ADTRP: variants seen among roughly 807,000 people sequenced by gnomAD.
The protein encoded by ADTRP is androgen dependent TFPI regulating protein, also known as androgen-dependent TFPI-regulating protein.
ADTRP carries 20 observed loss-of-function variants against 27.0 expected under a neutral mutation model. The ratio of observed to expected loss-of-function variants is 0.74; its 90% CI spans 0.52 to 1.08. ADTRP has a LOEUF of 1.08. Ranked by LOEUF, ADTRP falls within the 50% of genes least tolerant of loss-of-function variation. The pLI, the probability that ADTRP is intolerant of heterozygous loss-of-function variation, is 0.00. For missense variants in ADTRP, 251 were observed against 275.0 expected (o/e 0.91, Z 0.62); for synonymous variants, 101 against 105.2 (o/e 0.96, Z 0.25).
intron 2 of ADTRP, 113 bp from the exon 3 acceptor site, chr6:11,766,488 C>A: frequency 1.5e-6 from 1 of 672,636 alleles, no homozygotes; most frequent in Non-Finnish European, 2.5e-6. Context: ...TTAAAGATAT[C>A]TTACATATAC....
chr6:11,723,295 G>A, intron 5 of ADTRP, 54 bp downstream of exon 5: 10 of 1,590,960 alleles, frequency 6.3e-6, no homozygotes, highest in Non-Finnish European at 8.6e-6. Flanking sequence ...CAGGTGAAGG[G>A]GAGAGGCAGA....
rs559046200 is a variant in ADTRP, at chr6:11,765,430, C to T, written c.390+844G>A. Among the ~76,000 whole-genome samples, 16 of 146,340 alleles carry T rather than the reference C, an allele frequency of 1.1e-4. No homozygotes were observed. The East Asian group carries it at 2.7e-3, about 25-fold the overall frequency. ...GCAACCTCCGCCTCCCAGGTTCAAG[C>T]GATTCTCCTGCCTCAGCCTCCTGTG... On this transcript the variant is annotated intron_variant, in intron 3 of 5. Transcript: ENST00000414691.
chr6:11,773,476 C>T (rs972301954), intron 1 of ADTRP, among the ~76,000 whole-genome samples: 2 of 152,136 alleles, frequency 1.3e-5, no homozygotes, highest in African/African-American at 4.8e-5. Flanking sequence ...CTGAGCTGCT[C>T]GTTCAGAGCT....
At chr6:11,727,249 T>C (rs1762238232) in intron 4 of ADTRP, among the ~76,000 whole-genome samples, 1 of 152,104 alleles carries the variant, frequency 6.6e-6, no homozygotes, top group African/African-American at 2.4e-5. Context: ...CTCAAACTCC[T>C]GACCTTGTGA....
At chr6:11,775,949 G>A (rs143519296) in intron 1 of ADTRP, among the ~76,000 whole-genome samples, 12 of 152,284 alleles carry the variant, frequency 7.9e-5, no homozygotes, top group East Asian at 7.7e-4. Flanking sequence ...GAATGTGAGC[G>A]TAAGTTGTGA....
intron 3 of ADTRP, among the ~76,000 whole-genome samples, chr6:11,754,379 G>A (rs1763149192): frequency 6.6e-6 from 1 of 152,186 alleles, no homozygotes. Flanking sequence ...ACTGAGGAGG[G>A]AGATGGCAAA....
intron 3 of ADTRP, among the ~76,000 whole-genome samples, chr6:11,749,629 C>G (rs1433556227): frequency 6.6e-6 from 1 of 152,074 alleles, no homozygotes; most frequent in African/African-American, 2.4e-5. Flanking sequence ...AGTGTGGCAT[C>G]AAAGGGTTAA....
chr6:11,736,147 T>C (rs112704231), intron 3 of ADTRP: 1,696 of 162,814 alleles, frequency 0.01, 15 homozygotes, highest in Non-Finnish European at 0.014. Context: ...CCTCAAGTGA[T>C]CTGCCCGCCT....
chr6:11,778,257 C>T lies in ADTRP; in HGVS notation c.153+350G>A, dbSNP rs188025199. ...CACTCTGCCTTCTCTTCACAGACTT[C>T]CCCAAGCAAAGTTCAAAATGCCTCC... On this transcript the variant is annotated intron_variant, in intron 1 of 5. Transcript: ENST00000414691. Among the ~76,000 whole-genome samples the T allele has an allele frequency of 9.8e-5, 15 of 152,358 alleles. No individual in the cohort carries two copies. In the East Asian group the frequency reaches 2.9e-3, roughly 29 times the overall value.
intron 1 of ADTRP, among the ~76,000 whole-genome samples, chr6:11,777,730 G>A (rs988909494): frequency 1.3e-5 from 2 of 152,008 alleles, no homozygotes; most frequent in Admixed American, 6.6e-5. Flanking sequence ...CCATTTCCAC[G>A]TCCTTAGCAT....
intron 4 of ADTRP, 135 bp downstream of exon 4, chr6:11,735,433 C>A: frequency 1.5e-6 from 1 of 666,450 alleles, no homozygotes; most frequent in South Asian, 2.1e-5. Context: ...ATGCTTCTTA[C>A]CTGGAAATGT....
chr6:11,732,323 A>G (rs1324228061), intron 4 of ADTRP, among the ~76,000 whole-genome samples: 1 of 152,150 alleles, frequency 6.6e-6, no homozygotes. Flanking sequence ...CTCTGGCCCG[A>G]GCCCATGCTC....
At chr6:11,716,714 TTTTTC>T (rs1269476874) in intron 5 of ADTRP, among the ~76,000 whole-genome samples, 17 of 68,046 alleles carry the variant, frequency 2.5e-4, no homozygotes, top group African/African-American at 9.2e-4. Context: ...TTTCTTTTTC[TTTTTC>T]TTTTTTTTTT....
At chr6:11,732,026 A>G (rs1022518444) in intron 4 of ADTRP, among the ~76,000 whole-genome samples, 1 of 152,160 alleles carries the variant, frequency 6.6e-6, no homozygotes, top group Non-Finnish European at 1.5e-5. Flanking sequence ...GGTAGGAGAG[A>G]AGGGAGAAAT....
In ADTRP at chr6:11,714,351, T is replaced by A; in HGVS notation, c.*127A>T. ...TCACGAACCTCTTATTAAATTTAAG[T>A]ATCACTCTCTGTCCCTCCTACTTTG... On this transcript the variant is annotated 3_prime_UTR_variant, in exon 6 of 6. Transcript: ENST00000414691. 9.4e-7 allele frequency: 1 copy of A among 1,062,786 alleles called. No individual in the cohort carries two copies. Among genetic ancestry groups the A allele is most frequent in the Non-Finnish European group, 1.4e-6 (1 of 733,246 alleles). 65.8% of individuals were successfully genotyped at this position (1,062,786 alleles called of 1,614,324 possible). A position where few individuals can be genotyped will look rare whatever the true frequency, so the allele number is the denominator to read the frequency against.
rs144994068 is a variant in ADTRP, at chr6:11,777,747, G to A, written c.153+860C>T. Among the ~76,000 whole-genome samples, 115 of 152,210 alleles carry A rather than the reference G, an allele frequency of 7.6e-4. 1 individual carries two copies. The highest frequency in any genetic ancestry group is 1.0e-3 in the Non-Finnish European group (70 of 68,012). On this transcript the variant is annotated intron_variant, in intron 1 of 5. Coordinates refer to ENST00000414691, the MANE Select transcript of ADTRP (RefSeq NM_032744.4). ...ATTTCCACGTCCTTAGCATTTCAGA[G>A]TGTCACAGTTTCTGACCACATACAT...
At chr6:11,760,197 A>G (rs1320638219) in intron 3 of ADTRP, among the ~76,000 whole-genome samples, 1 of 152,142 alleles carries the variant, frequency 6.6e-6, no homozygotes, top group African/African-American at 2.4e-5. Flanking sequence ...TATCTTCCCC[A>G]CTGGGATGTG....
intron 3 of ADTRP, among the ~76,000 whole-genome samples, chr6:11,763,014 T>C (rs1265288734): frequency 6.6e-6 from 1 of 152,236 alleles, no homozygotes; most frequent in East Asian, 1.9e-4. Flanking sequence ...TTTGCTGTTC[T>C]TTCCCTTGTT....
intron 3 of ADTRP, among the ~76,000 whole-genome samples, chr6:11,762,021 A>G: frequency 6.6e-6 from 1 of 152,204 alleles, no homozygotes; most frequent in East Asian, 1.9e-4. Context: ...TAGCAGCCCA[A>G]CAATTTCACA....
Sources: gnomAD v4.1 joint callset for allele counts (sites outside exome capture counted in the v4.1 genomes callset) on GRCh38, gnomAD v4.1.1 for gene constraint, MANE v1.5 for transcripts, NCBI Gene and HGNC (gene_info 2026-07-23, HGNC 2026-07-21) for gene names.